Variants in THADA observed in about 807,000 individuals in gnomAD.
The protein encoded by THADA is tRNA (32-2'-O)-methyltransferase regulator THADA.
THADA carries 213 observed loss-of-function variants against 219.8 expected under a neutral mutation model. The observed-to-expected ratio is 0.97, with a 90% CI of 0.87 to 1.09. The LOEUF is 1.09. THADA is among the 50% of genes least tolerant of loss of function. THADA has a pLI of 0.00. For missense variants in THADA, 2,956 were observed against 2,311.3 expected, an observed-to-expected ratio of 1.28 and a Z score of -5.72; for synonymous variants, 1,018 against 828.9, an observed-to-expected ratio of 1.23 and a Z score of -3.92.
At chr2:43,489,893 A>AAAAAAAAAAAAAAAAAAAAAAAAAT (rs1687416292) in intron 25 of THADA, among the ~76,000 whole-genome samples, 1 of 151,434 alleles carries the variant, frequency 6.6e-6, no homozygotes, top group Non-Finnish European at 1.5e-5. Flanking sequence ...AAAAAAAAAA[A>AAAAAAAAAAAAAAAAAAAAAAAAAT]AGCTAGAAGG....
At chr2:43,541,406 T>G (rs72790940) in intron 20 of THADA, 90 bp from the exon 21 acceptor site, 190,569 of 1,484,220 alleles carry the variant, frequency 0.13, 13,144 homozygotes, top group African/African-American at 0.18. Context: ...TCCCCAAGAA[T>G]AATCTGCTTG....
intron 35 of THADA, among the ~76,000 whole-genome samples, chr2:43,283,587 C>T (rs1384651968): frequency 4.6e-5 from 7 of 152,174 alleles, no homozygotes; most frequent in Non-Finnish European, 1.5e-5. Context: ...TCTTGCTCTG[C>T]TTTAGCAAAG....
chr2:43,418,745 A>G (rs1677320070), intron 28 of THADA, among the ~76,000 whole-genome samples: 1 of 152,160 alleles, frequency 6.6e-6, no homozygotes, highest in Non-Finnish European at 1.5e-5. Context: ...CAGGTATACC[A>G]ATGTTTGAGA....
intron 26 of THADA, among the ~76,000 whole-genome samples, chr2:43,469,938 G>A (rs1245390163): frequency 1.3e-5 from 2 of 152,118 alleles, no homozygotes; most frequent in Non-Finnish European, 2.9e-5. Flanking sequence ...CAAGGGCCGG[G>A]TGTGGCTCAT....
intron 26 of THADA, among the ~76,000 whole-genome samples, chr2:43,445,831 G>A (rs999554217): frequency 2.6e-5 from 4 of 152,202 alleles, no homozygotes; most frequent in African/African-American, 9.6e-5. Context: ...ATGTTGTCAT[G>A]CCTGTCTAAT....
intron 31 of THADA, among the ~76,000 whole-genome samples, chr2:43,306,789 C>G (rs1002681790): frequency 6.6e-6 from 1 of 152,196 alleles, no homozygotes; most frequent in Non-Finnish European, 1.5e-5. Context: ...GCCAGGTAAT[C>G]AATGGAAATG....
intron 26 of THADA, among the ~76,000 whole-genome samples, chr2:43,468,563 G>A (rs1399763931): frequency 6.6e-6 from 1 of 152,072 alleles, no homozygotes; most frequent in South Asian, 2.1e-4. Context: ...CATTTTCACT[G>A]CTACCAAAGC....
rs552075823 is a variant in THADA at position 43,439,296 on chromosome 2, C to T, written c.3837-8994G>A. 9.9e-5 allele frequency among the ~76,000 whole-genome samples: 15 copies of T among 152,276 alleles called. No individual in the cohort carries two copies. In the South Asian group the frequency reaches 2.5e-3, roughly 25 times the overall value. On this transcript the variant is annotated intron_variant, in intron 26 of 37. Coordinates refer to ENST00000405975, the MANE Select transcript of THADA (RefSeq NM_022065.5). ...GACGGAGAGAGAGAGAGAAAGATCA[C>T]ACTCGTTTAACTTTTATTATAGTAT...
At chr2:43,291,827 A>G (rs1273604516) in intron 33 of THADA, 59 bp from the exon 34 acceptor site, 1 of 1,441,954 alleles carries the variant, frequency 6.9e-7, no homozygotes, top group Non-Finnish European at 9.4e-7. Context: ...TATTTCATAC[A>G]CCGGTTTTTG....
intron 29 of THADA, among the ~76,000 whole-genome samples, chr2:43,359,762 C>A (rs1669285197): frequency 6.6e-6 from 1 of 151,824 alleles, no homozygotes; most frequent in Non-Finnish European, 1.5e-5. Flanking sequence ...TCTGGACAAT[C>A]ATCATGGATA....
chr2:43,237,517 C>G (rs369942769), intron 36 of THADA, among the ~76,000 whole-genome samples: 1 of 151,484 alleles, frequency 6.6e-6, no homozygotes, highest in African/African-American at 2.4e-5. Flanking sequence ...CCTGCCTCAG[C>G]CTCCCTGAGT....
At chr2:43,439,355 C>T (rs1476099733) in intron 26 of THADA, among the ~76,000 whole-genome samples, 5 of 152,076 alleles carry the variant, frequency 3.3e-5, no homozygotes, top group Non-Finnish European at 7.4e-5. Context: ...TTATTAGTTA[C>T]TGTTGTTAAT....
chr2:43,324,732 C>A (rs1263526830), intron 30 of THADA, among the ~76,000 whole-genome samples: 1 of 152,144 alleles, frequency 6.6e-6, no homozygotes, highest in African/African-American at 2.4e-5. Flanking sequence ...GTCTGTCAAG[C>A]CACTTTGATG....
intron 26 of THADA, among the ~76,000 whole-genome samples, chr2:43,478,139 C>T (rs1392211163): frequency 2.0e-5 from 3 of 152,110 alleles, no homozygotes; most frequent in Non-Finnish European, 4.4e-5. Context: ...TTATAAACTA[C>T]TTTTGTATAT....
At chr2:43,293,271 G>A (rs1674965664) in intron 31 of THADA, 58 bp from the exon 32 acceptor site, 3 of 1,533,540 alleles carry the variant, frequency 2.0e-6, no homozygotes, top group Non-Finnish European at 1.7e-6. Context: ...TCCACAAAAG[G>A]ACATGAAAGA....
intron 36 of THADA, among the ~76,000 whole-genome samples, chr2:43,261,632 T>A (rs1361358608): frequency 2.0e-5 from 3 of 147,908 alleles, no homozygotes; most frequent in Non-Finnish European, 4.5e-5. Context: ...TGGCTATTGT[T>A]TTGATTTTTT....
intron 24 of THADA, among the ~76,000 whole-genome samples, chr2:43,501,965 A>C (rs757536473): frequency 1.3e-4 from 20 of 151,572 alleles, no homozygotes; most frequent in Non-Finnish European, 2.7e-4. Context: ...AACAAAAATA[A>C]AACTGTGGTT....
chr2:43,521,375 C>T (rs990387337), intron 22 of THADA, among the ~76,000 whole-genome samples: 1 of 151,962 alleles, frequency 6.6e-6, no homozygotes, highest in Non-Finnish European at 1.5e-5. Context: ...GCCAACATGG[C>T]GAAACCCAGT....
intron 15 of THADA, chr2:43,566,155 G>T: frequency 3.0e-6 from 1 of 332,444 alleles, no homozygotes; most frequent in Non-Finnish European, 5.4e-6. Context: ...AAGATTCAAA[G>T]AGGGAACTGA....
Sources: gnomAD v4.1 joint callset for allele counts (sites outside exome capture counted in the v4.1 genomes callset) on GRCh38, gnomAD v4.1.1 for gene constraint, MANE v1.5 for transcripts, NCBI Gene and HGNC (gene_info 2026-07-23, HGNC 2026-07-21) for gene names.